Variants in DGKG observed in about 807,000 individuals in gnomAD.
DGKG encodes diacylglycerol kinase gamma.
Under a neutral mutation model 105.3 loss-of-function variants are expected in DGKG, and 78 were observed. The observed-to-expected ratio is 0.74, with a 90% CI of 0.62 to 0.89. The LOEUF is 0.89. DGKG is among the 40% of genes least tolerant of loss of function. DGKG has a pLI of 0.00. For synonymous variants in DGKG, 346 were observed against 367.1 expected, an observed-to-expected ratio of 0.94 and a Z score of 0.66; for missense variants, 958 against 1,020.1, an observed-to-expected ratio of 0.94 and a Z score of 0.83.
intron 17 of DGKG, chr3:186,257,638 C>T: frequency 2.1e-6 from 1 of 486,968 alleles, no homozygotes; most frequent in Non-Finnish European, 3.7e-6. Flanking sequence ...TGAAACTAAA[C>T]TGTTACCTCC....
At chr3:186,294,036 G>A (rs1723431553) in intron 5 of DGKG, among the ~76,000 whole-genome samples, 2 of 152,172 alleles carry the variant, frequency 1.3e-5, no homozygotes, top group Admixed American at 1.3e-4. Flanking sequence ...ACTATAGGGG[G>A]CTGATTTTTC....
intron 2 of DGKG, among the ~76,000 whole-genome samples, chr3:186,315,830 C>T (rs921652086): frequency 2.0e-5 from 3 of 152,136 alleles, no homozygotes; most frequent in Non-Finnish European, 4.4e-5. Flanking sequence ...ATGTGGAGTC[C>T]GTTCCTCTAC....
At chr3:186,309,153 G>C (rs1724397122) in intron 2 of DGKG, among the ~76,000 whole-genome samples, 1 of 152,202 alleles carries the variant, frequency 6.6e-6, no homozygotes, top group Non-Finnish European at 1.5e-5. Flanking sequence ...AAATTAAGAT[G>C]AAAGTGGGGT....
At chr3:186,307,027 G>T in intron 2 of DGKG, 50 bp from the exon 3 acceptor site, 2 of 1,274,286 alleles carry the variant, frequency 1.6e-6, no homozygotes, top group Non-Finnish European at 2.3e-6. Flanking sequence ...GCTAATGGAA[G>T]CTGGGCCAAG....
chr3:186,325,606 T>G (rs1381667148), intron 1 of DGKG, among the ~76,000 whole-genome samples: 1 of 152,098 alleles, frequency 6.6e-6, no homozygotes, highest in Non-Finnish European at 1.5e-5. Flanking sequence ...CATCATTCCC[T>G]TTATATTTGT....
At chr3:186,152,608 T>C (rs1354778069) in intron 24 of DGKG, among the ~76,000 whole-genome samples, 13 of 152,154 alleles carry the variant, frequency 8.5e-5, no homozygotes, top group Admixed American at 7.2e-4. Context: ...GATGGCTCTG[T>C]TGGAAGCAGA....
chr3:186,310,766 A>T (rs1001806487), intron 2 of DGKG, among the ~76,000 whole-genome samples: 1 of 152,220 alleles, frequency 6.6e-6, no homozygotes, highest in African/African-American at 2.4e-5. Context: ...CCTGTAGAAA[A>T]TAGGGCCATT....
In DGKG at chr3:186,320,588, G is replaced by T; in HGVS notation, c.-129C>A. ...TAAGCCTTTCAGGAGACTTCTGGGA[G>T]CACTCAAGTGTATACAGCAGCAGCA... On this transcript the variant is annotated 5_prime_UTR_variant, in exon 2 of 25. Transcript: ENST00000265022. 6.6e-7 allele frequency: 1 copy of T among 1,513,184 alleles called. No individual in the cohort carries two copies. Among genetic ancestry groups the T allele is most frequent in the Admixed American group, 2.1e-5 (1 of 48,780 alleles). The allele number at this position is 1,513,184 out of a possible 1,614,324, so 93.7% of individuals were successfully genotyped here.
chr3:186,285,783 G>A (rs1311570180), intron 6 of DGKG, among the ~76,000 whole-genome samples: 1 of 150,868 alleles, frequency 6.6e-6, no homozygotes, highest in Non-Finnish European at 1.5e-5. Context: ...GGGTTCAAGC[G>A]ATTCTTCTGC....
intron 20 of DGKG, among the ~76,000 whole-genome samples, chr3:186,238,692 C>T (rs1720534249): frequency 6.6e-6 from 1 of 152,190 alleles, no homozygotes; most frequent in African/African-American, 2.4e-5. Context: ...AGGAGGTAGA[C>T]AGGGCCAAAA....
chr3:186,253,053 C>T lies in DGKG; in HGVS notation c.1600+40G>A. Reference sequence around the variant, plus strand: ...TGTAGAGCATCTCTGTAAACAGGAACACCTGTTCCCAGGGTACCACCATTA... The same window carrying T: ...TGTAGAGCATCTCTGTAAACAGGAATACCTGTTCCCAGGGTACCACCATTA... On this transcript the variant is annotated intron_variant, in intron 18 of 24. Coordinates refer to ENST00000265022, the MANE Select transcript of DGKG (RefSeq NM_001346.3). The T allele has an allele frequency of 1.9e-6, 3 of 1,566,434 alleles. No individual in the cohort carries two copies. The Admixed American group carries it at 5.0e-5, about 26-fold the overall frequency.
intron 21 of DGKG, 57 bp downstream of exon 21, chr3:186,211,738 G>T: frequency 8.0e-7 from 1 of 1,254,954 alleles, no homozygotes; most frequent in South Asian, 1.2e-5. Context: ...GTGCATGTGT[G>T]ACAGTCCAGG....
At chr3:186,355,142 A>T (rs1397326840) in intron 1 of DGKG, among the ~76,000 whole-genome samples, 1 of 88,810 alleles carries the variant, frequency 1.1e-5, no homozygotes, top group Non-Finnish European at 2.6e-5. Flanking sequence ...GCCCCCAACC[A>T]CCATTATCAT....
chr3:186,309,872 A>T (rs1480763226), intron 2 of DGKG, among the ~76,000 whole-genome samples: 1 of 152,212 alleles, frequency 6.6e-6, no homozygotes, highest in African/African-American at 2.4e-5. Context: ...ACACACATAA[A>T]TTCATCATAT....
chr3:186,193,231 C>A (rs1025475205), intron 21 of DGKG, among the ~76,000 whole-genome samples: 2 of 152,318 alleles, frequency 1.3e-5, no homozygotes. Flanking sequence ...CCTGCCTGGG[C>A]TTGAAGGCAG....
chr3:186,344,033 C>T (rs138689479), intron 1 of DGKG, among the ~76,000 whole-genome samples: 3,000 of 152,208 alleles, frequency 0.02, 98 homozygotes, highest in African/African-American at 0.069. Context: ...CAATGAGATG[C>T]CATCTCACAC....
chr3:186,288,577 G>GA (rs1403571762), intron 6 of DGKG, 133 bp downstream of exon 6: 5 of 935,304 alleles, frequency 5.3e-6, no homozygotes, highest in Non-Finnish European at 8.0e-6. Context: ...ACAGGACAAA[G>GA]AAACCTCCCC....
chr3:186,214,739 C>A (rs1235839022), intron 20 of DGKG, among the ~76,000 whole-genome samples: 1 of 152,188 alleles, frequency 6.6e-6, no homozygotes, highest in Non-Finnish European at 1.5e-5. Flanking sequence ...ACAAAGTATT[C>A]ATCAATTCAA....
At chr3:186,322,642 C>T (rs530488208) in intron 1 of DGKG, among the ~76,000 whole-genome samples, 2 of 152,322 alleles carry the variant, frequency 1.3e-5, no homozygotes, top group Admixed American at 1.3e-4. Flanking sequence ...CACTCTACAT[C>T]CCTTCTCTGA....
Sources: gnomAD v4.1 joint callset for allele counts (sites outside exome capture counted in the v4.1 genomes callset) on GRCh38, gnomAD v4.1.1 for gene constraint, MANE v1.5 for transcripts, NCBI Gene and HGNC (gene_info 2026-07-23, HGNC 2026-07-21) for gene names.